The following PLA2G2F variants were observed in gnomAD, a reference collection of about 807,000 sequenced individuals.
The protein encoded by PLA2G2F is phospholipase A2 group IIF.
Under a neutral mutation model 15.9 loss-of-function variants are expected in PLA2G2F, and 17 were observed. That is an observed-to-expected ratio of 1.07 (90% confidence interval 0.73 to 1.60). The LOEUF (loss-of-function observed/expected upper bound fraction) is 1.60, where lower values mean the gene tolerates loss of function less well. PLA2G2F is among the 40% of genes most tolerant of loss of function. The pLI is 0.00. For synonymous variants in PLA2G2F, 119 were observed against 106.5 expected (o/e 1.12, Z -0.72); for missense variants, 299 against 278.2 (o/e 1.07, Z -0.53).
At chr1:20,143,174 G>T in intron 2 of PLA2G2F, 1 of 410,970 alleles carries the variant, frequency 2.4e-6, no homozygotes, top group Non-Finnish European at 4.5e-6. Context: ...ACAGTACCTG[G>T]CATGGAGCAA....
intron 4 of PLA2G2F, 121 bp downstream of exon 4, chr1:20,144,810 C>A (rs1360751252): frequency 2.4e-6 from 2 of 836,248 alleles, no homozygotes; most frequent in East Asian, 5.5e-5. Context: ...GGTGCGGTGG[C>A]TCATGCCTGT....
chr1:20,146,655 C>T (rs1033555996), intron 4 of PLA2G2F, among the ~76,000 whole-genome samples: 2 of 152,204 alleles, frequency 1.3e-5, no homozygotes, highest in African/African-American at 4.8e-5. Context: ...AGCTCACAAG[C>T]AACGCTGGCT....
At position 20,148,802 on chromosome 1, in the gene PLA2G2F, G is replaced by C. The variant is rs2017669820; in HGVS notation, c.*401G>C. 1 of 195,192 alleles carries C rather than the reference G, an allele frequency of 5.1e-6. No homozygotes were observed. Among genetic ancestry groups the C allele is most frequent in the African/African-American group, 2.3e-5 (1 of 42,820 alleles). The allele number at this position is 195,192 out of a possible 1,614,324, so 12.1% of individuals were successfully genotyped here. ...GCCTGAGCATCCAGGCCCAGAGCTG[G>C]ATGCATCCTCGGCCCAAGATCACAG... On this transcript the variant is annotated 3_prime_UTR_variant, in exon 5 of 5. Coordinates refer to ENST00000375102, the MANE Select transcript of PLA2G2F (RefSeq NM_022819.4).
intron 4 of PLA2G2F, 26 bp downstream of exon 4, chr1:20,144,715 C>A: frequency 6.5e-7 from 1 of 1,544,418 alleles, no homozygotes. Flanking sequence ...GTCACCTGGG[C>A]CCCCAGAGAA....
intron 4 of PLA2G2F, among the ~76,000 whole-genome samples, chr1:20,146,166 C>T (rs1037522359): frequency 2.6e-5 from 4 of 152,206 alleles, no homozygotes; most frequent in Non-Finnish European, 5.9e-5. Flanking sequence ...TGCAGGGAGG[C>T]TCTGAGACAT....
At chr1:20,140,329 C>A in intron 2 of PLA2G2F, 111 bp downstream of exon 2, 2 of 1,169,908 alleles carry the variant, frequency 1.7e-6, no homozygotes, top group South Asian at 1.5e-5. Context: ...TCCTTCCTGT[C>A]TCTGGGCTTC....
At chr1:20,141,867 CT>C in intron 2 of PLA2G2F, 1 of 152,226 alleles carries the variant, frequency 6.6e-6, no homozygotes, top group East Asian at 1.9e-4. Flanking sequence ...CCTGCCTGAT[CT>C]CTCATGGTTT....
chr1:20,143,962 C>T, intron 3 of PLA2G2F: 1 of 201,324 alleles, frequency 5.0e-6, no homozygotes, highest in South Asian at 1.3e-4. Context: ...ACCATGCCTC[C>T]TCCATCAGAC....
Position 20,145,427 on chromosome 1 carries a change from G to T in PLA2G2F, c.424+738G>T, listed in dbSNP as rs578108529. Among the ~76,000 whole-genome samples the T allele has an allele frequency of 1.4e-4, 21 of 151,564 alleles. 1 individual carries two copies. Among genetic ancestry groups the T allele is most frequent in the African/African-American group, 5.1e-4 (21 of 41,276 alleles). On this transcript the variant is annotated intron_variant, in intron 4 of 4. Coordinates refer to ENST00000375102, the MANE Select transcript of PLA2G2F (RefSeq NM_022819.4). ...CTCCCAAGTAGCTGGGACTACAGGT[G>T]CATGCCACCATGCCCAGCTACTTTT... is the stretch of plus-strand genomic sequence containing the variant.
intron 4 of PLA2G2F, among the ~76,000 whole-genome samples, chr1:20,146,637 T>A (rs1415923716): frequency 6.6e-6 from 1 of 152,214 alleles, no homozygotes; most frequent in Non-Finnish European, 1.5e-5. Flanking sequence ...CAGTTGTTGC[T>A]TATTAATAGC....
chr1:20,140,287 C>T (rs1241334350), intron 2 of PLA2G2F, 69 bp downstream of exon 2: 1 of 1,555,874 alleles, frequency 6.4e-7, no homozygotes, highest in Non-Finnish European at 8.8e-7. Flanking sequence ...ACCTTGGGCG[C>T]CTGAGTTATG....
Position 20,148,296 on chromosome 1 carries a change from C to T in PLA2G2F, c.531C>T (p.Leu177=). 6.2e-7 allele frequency: 1 copy of T among 1,614,088 alleles called. No homozygotes were observed. Among genetic ancestry groups the T allele is most frequent in the Non-Finnish European group, 8.5e-7 (1 of 1,179,998 alleles). The part of the protein sequence containing the change: ...QTYREEYRGF[L]NVYCQGPTPN... ...ACCGAGAGGAGTACCGTGGCTTCCT[C>T]AATGTCTACTGCCAGGGCCCCACGC... is the stretch of plus-strand genomic sequence containing the variant. The change falls in exon 5 of 5, where the codon CTC becomes CTT. Residue 177 remains leucine (L), a synonymous_variant. Transcript: ENST00000375102.
At chr1:20,139,964 G>A (rs536963730) in intron 1 of PLA2G2F, among the ~76,000 whole-genome samples, 50 of 152,188 alleles carry the variant, frequency 3.3e-4, no homozygotes, top group African/African-American at 1.1e-3. Context: ...GGAGGTGTTC[G>A]TGCCTCCTGG....
In PLA2G2F at chr1:20,148,255, C is replaced by T; in HGVS notation, c.490C>T (p.Leu164Phe). 1 of 1,614,106 alleles carries T rather than the reference C, an allele frequency of 6.2e-7. No individual in the cohort carries two copies. Among genetic ancestry groups the T allele is most frequent in the Non-Finnish European group, 8.5e-7 (1 of 1,180,008 alleles). Residue 164 changes from leucine (L) to phenylalanine (F), a missense_variant, in exon 5 of 5, where the codon CTC (leucine) becomes TTC (phenylalanine). Coordinates refer to ENST00000375102, the MANE Select transcript of PLA2G2F (RefSeq NM_022819.4). ...CMCDKNMVLCLMNQTYREEYR... is the reference protein window; with the variant it reads ...CMCDKNMVLCFMNQTYREEYR... ...GTGTGACAAGAACATGGTTCTGTGC[C>T]TCATGAACCAGACGTACCGAGAGGA...
At chr1:20,143,909 T>C in intron 3 of PLA2G2F, 1 of 252,214 alleles carries the variant, frequency 4.0e-6, no homozygotes, top group Non-Finnish European at 7.7e-6. Context: ...AGGCAAGGGC[T>C]GTGACCCCTG....
intron 2 of PLA2G2F, chr1:20,142,191 GC>G (rs989445937): frequency 6.6e-6 from 1 of 152,518 alleles, no homozygotes; most frequent in East Asian, 1.9e-4. Context: ...GCTGAGCTAG[GC>G]CCCTCACGCT....
chr1:20,144,768 G>T, intron 4 of PLA2G2F, 79 bp downstream of exon 4: 1 of 1,261,132 alleles, frequency 7.9e-7, no homozygotes, highest in Non-Finnish European at 1.1e-6. Flanking sequence ...ATGGTGGACA[G>T]GCTTGCCAGA....
chr1:20,139,713 G>A (rs1197292336), intron 1 of PLA2G2F, among the ~76,000 whole-genome samples, 170 bp downstream of exon 1: 1 of 152,162 alleles, frequency 6.6e-6, no homozygotes, highest in East Asian at 1.9e-4. Flanking sequence ...GGAGAGTGAG[G>A]CCACACAACC....
intron 2 of PLA2G2F, 137 bp from the exon 3 acceptor site, chr1:20,143,309 C>CTCTCCTGCTTTCTCCTTCCT: frequency 8.6e-7 from 1 of 1,166,020 alleles, no homozygotes; most frequent in East Asian, 2.4e-5. Flanking sequence ...CCCCAGCTTC[C>CTCTCCTGCTTTCTCCTTCCT]TCTCCTGCTT....
Sources: allele counts gnomAD v4.1 joint callset (sites outside exome capture counted in the v4.1 genomes callset), GRCh38; gene constraint gnomAD v4.1.1; transcripts MANE v1.5; gene names NCBI Gene and HGNC (gene_info 2026-07-23, HGNC 2026-07-21).